Variants in HPCAL1 observed in about 807,000 individuals in gnomAD.
The protein encoded by HPCAL1 is hippocalcin-like protein 1.
In HPCAL1, 8 loss-of-function variants were observed where a neutral mutation model predicts 17.1. The ratio of observed to expected loss-of-function variants is 0.47; its 90% CI spans 0.27 to 0.84. HPCAL1 has a LOEUF of 0.84. Among genes scored for constraint, HPCAL1 ranks in the 40% least tolerant of loss-of-function variants. The pLI, the probability that HPCAL1 is intolerant of heterozygous loss-of-function variation, is 0.13. For synonymous variants in HPCAL1, 112 were observed against 111.4 expected (o/e 1.01, Z -0.03); for missense variants, 165 against 271.1 (o/e 0.61, Z 2.75).
At chr2:10,422,916 C>G in intron 3 of HPCAL1, 67 bp from the exon 4 acceptor site, 1 of 1,163,422 alleles carries the variant, frequency 8.6e-7, no homozygotes, top group African/African-American at 1.5e-5. Flanking sequence ...TGGGCGGAAG[C>G]CCACCCTTGC....
At chr2:10,416,479 T>G (rs916988737) in intron 2 of HPCAL1, among the ~76,000 whole-genome samples, 9 of 152,088 alleles carry the variant, frequency 5.9e-5, no homozygotes, top group African/African-American at 2.2e-4. Context: ...AGCCCACATC[T>G]CCAAGCCAGG....
intron 2 of HPCAL1, among the ~76,000 whole-genome samples, chr2:10,410,080 C>T (rs1382847813): frequency 2.0e-5 from 3 of 152,128 alleles, no homozygotes; most frequent in Admixed American, 6.5e-5. Flanking sequence ...TGAGCCACGG[C>T]GCCCCGGCCA....
At chr2:10,388,776 C>G (rs1436812509) in intron 1 of HPCAL1, among the ~76,000 whole-genome samples, 1 of 152,214 alleles carries the variant, frequency 6.6e-6, no homozygotes, top group Non-Finnish European at 1.5e-5. Flanking sequence ...CTGTGAGTGC[C>G]TCGTCAGTGT....
intron 1 of HPCAL1, among the ~76,000 whole-genome samples, chr2:10,372,251 C>T (rs1205432788): frequency 1.3e-5 from 2 of 152,062 alleles, no homozygotes; most frequent in Non-Finnish European, 2.9e-5. Context: ...GTGCCCTGTG[C>T]TGTGTGGCTA....
rs912803888 is a variant in HPCAL1 at position 10,310,119 on chromosome 2, T to C, written c.-111+6942T>C. Among the ~76,000 whole-genome samples, 2 of 152,156 alleles carry C rather than the reference T, an allele frequency of 1.3e-5. No individual in the cohort carries two copies. The highest frequency in any genetic ancestry group is 1.3e-4 in the Admixed American group (2 of 15,274). On this transcript the variant is annotated intron_variant, in intron 1 of 4. Transcript: ENST00000307845. This position sits in a 1 kb window ranked among gnomAD's most constrained non-coding sequence, Gnocchi z 4.5. ...AGGGGTTTTAGGCTGAGCTCAGATA[T>C]TGACAGGAACTACAATTCAAACCCA...
At chr2:10,370,814 G>A (rs185710356) in intron 1 of HPCAL1, among the ~76,000 whole-genome samples, 9 of 152,346 alleles carry the variant, frequency 5.9e-5, no homozygotes, top group East Asian at 3.9e-4. Flanking sequence ...CTGGGAGGAC[G>A]TGGGCTCAAA....
At chr2:10,398,980 G>T (rs1206199611) in intron 2 of HPCAL1, among the ~76,000 whole-genome samples, 1 of 152,040 alleles carries the variant, frequency 6.6e-6, no homozygotes, top group East Asian at 1.9e-4. Context: ...CTGGGTCCGT[G>T]TTACCTGGAT....
At chr2:10,345,213 C>T (rs367686100) in intron 1 of HPCAL1, among the ~76,000 whole-genome samples, 1 of 152,182 alleles carries the variant, frequency 6.6e-6, no homozygotes, top group South Asian at 2.1e-4. Context: ...CTCTTTCTTT[C>T]TGTCTCTCTG....
At chr2:10,380,915 G>A (rs1474663179) in intron 1 of HPCAL1, among the ~76,000 whole-genome samples, 2 of 152,256 alleles carry the variant, frequency 1.3e-5, no homozygotes, top group Non-Finnish European at 2.9e-5. Flanking sequence ...CATAGTAGGA[G>A]TCCAATTAAG....
chr2:10,334,527 A>G (rs1371203721), intron 1 of HPCAL1, among the ~76,000 whole-genome samples: 1 of 151,036 alleles, frequency 6.6e-6, no homozygotes, highest in Non-Finnish European at 1.5e-5. Context: ...AAAAAAGAAA[A>G]GAAAACAGAA....
chr2:10,328,017 G>A lies in HPCAL1; in HGVS notation c.-111+24840G>A, dbSNP rs578021812. Among the ~76,000 whole-genome samples, 15 of 152,334 alleles carry A rather than the reference G, an allele frequency of 9.8e-5. No individual in the cohort carries two copies. In the East Asian group the frequency reaches 2.7e-3, roughly 27 times the overall value. On this transcript the variant is annotated intron_variant, in intron 1 of 4. Coordinates refer to ENST00000307845, the MANE Select transcript of HPCAL1 (RefSeq NM_002149.4). ...TTGAGGTCATTTCTGTCCACAAGCT[G>A]TTCATGGTGTAGCTGTTCATGTAGC...
rs1179148516 is a variant in HPCAL1 at position 10,367,444 on chromosome 2, G to A, written c.-110-29391G>A. On this transcript the variant is annotated intron_variant, in intron 1 of 4. Transcript: ENST00000307845. This position sits in a 1 kb window ranked among gnomAD's most constrained non-coding sequence, Gnocchi z 4.4. ...TGGGACTACAGGTGTGCGCCACCAC[G>A]CATGGCTAATTTTTTGTAGAGATGG... Among the ~76,000 whole-genome samples, 3 of 151,898 alleles carry A rather than the reference G, an allele frequency of 2.0e-5. No homozygotes were observed. Among genetic ancestry groups the A allele is most frequent in the Admixed American group, 2.0e-4 (3 of 15,246 alleles).
Position 10,315,665 on chromosome 2 carries a change from G to A in HPCAL1, c.-111+12488G>A, listed in dbSNP as rs115525679. On this transcript the variant is annotated intron_variant, in intron 1 of 4. Transcript: ENST00000307845. ...CATAATCCCTTATTAAAATTTCTTC[G>A]CTGCACTGAAATTCAACACTGAGCA... is the stretch of plus-strand genomic sequence containing the variant. Among the ~76,000 whole-genome samples, 379 of 152,074 alleles carry A rather than the reference G, an allele frequency of 2.5e-3. 1 individual carries two copies. Among genetic ancestry groups the A allele is most frequent in the African/African-American group, 8.7e-3 (359 of 41,474 alleles).
At chr2:10,340,692 C>T (rs1665024613) in intron 1 of HPCAL1, among the ~76,000 whole-genome samples, 1 of 152,188 alleles carries the variant, frequency 6.6e-6, no homozygotes, top group Non-Finnish European at 1.5e-5. Context: ...CTTCAGACAT[C>T]AGGGCTTCCT....
intron 1 of HPCAL1, among the ~76,000 whole-genome samples, chr2:10,318,115 A>G (rs1663434440): frequency 6.6e-6 from 1 of 152,172 alleles, no homozygotes; most frequent in Admixed American, 6.5e-5. Context: ...GTCTCTCCCC[A>G]TTTCTAAAGG....
intron 2 of HPCAL1, among the ~76,000 whole-genome samples, chr2:10,399,214 CCACCACCACCACCACCACCACCACCAT>C (rs1669269337): frequency 1.3e-5 from 1 of 76,320 alleles, no homozygotes; most frequent in African/African-American, 5.0e-5. Context: ...CACTGCACCA[CCACCACCACCACCACCACCACCACCAT>C]CACCACCACC....
At chr2:10,420,383 A>G (rs1044671570) in intron 3 of HPCAL1, among the ~76,000 whole-genome samples, 1 of 151,746 alleles carries the variant, frequency 6.6e-6, no homozygotes, top group South Asian at 2.1e-4. Flanking sequence ...GATGGTAGAG[A>G]GAGGGTTTTG....
At chr2:10,328,450 G>C (rs1664148371) in intron 1 of HPCAL1, among the ~76,000 whole-genome samples, 1 of 152,234 alleles carries the variant, frequency 6.6e-6, no homozygotes. Flanking sequence ...GGAGTTTCTG[G>C]AAGAGACTGG....
intron 1 of HPCAL1, among the ~76,000 whole-genome samples, chr2:10,349,722 A>AAG (rs1665719702): frequency 7.2e-6 from 1 of 138,904 alleles, no homozygotes; most frequent in Non-Finnish European, 1.6e-5. Context: ...AAAAAAAAAA[A>AAG]AAAAAAAAAA....
Sources: allele counts gnomAD v4.1 joint callset (sites outside exome capture counted in the v4.1 genomes callset), GRCh38; gene constraint gnomAD v4.1.1; non-coding constraint Gnocchi (gnomAD v3.1); transcripts MANE v1.5; gene names NCBI Gene and HGNC (gene_info 2026-07-23, HGNC 2026-07-21).